Variants in MMP15 observed in about 807,000 individuals in gnomAD.
The protein encoded by MMP15 is matrix metallopeptidase 15.
In MMP15, 36 loss-of-function variants were observed where a neutral mutation model predicts 65.0. The ratio of observed to expected loss-of-function variants is 0.55; its 90% confidence interval spans 0.42 to 0.73. The LOEUF (loss-of-function observed/expected upper bound fraction) is 0.73, where lower values mean the gene tolerates loss of function less well. MMP15 is among the 30% of genes least tolerant of loss of function. The pLI, the probability that MMP15 is intolerant of heterozygous loss-of-function variation, is 0.00. For missense variants in MMP15, 870 were observed against 987.8 expected, an observed-to-expected ratio of 0.88 and a Z score of 1.60; for synonymous variants, 428 against 410.2, an observed-to-expected ratio of 1.04 and a Z score of -0.52.
chr16:58,031,816 T>C (rs1567428475), intron 1 of MMP15, among the ~76,000 whole-genome samples: 1 of 148,076 alleles, frequency 6.8e-6, no homozygotes, highest in African/African-American at 2.5e-5. Flanking sequence ...CTAAAGGTAG[T>C]GAGCAATCCT....
intron 6 of MMP15, 117 bp from the exon 7 acceptor site, chr16:58,042,114 A>T (rs1394631350): frequency 7.5e-6 from 10 of 1,326,484 alleles, no homozygotes; most frequent in Non-Finnish European, 1.0e-5. Flanking sequence ...CTGCCTCAGT[A>T]TCTCAGTGTC....
In MMP15 at chr16:58,026,314, G is replaced by A; in HGVS notation, c.-37G>A. ...TTTCCAAGGCGCGTGCGAGGATCCGGCGTGCAGTGTTCCGAGCTGGGCTGG... is the reference window on the plus strand; with the variant it reads ...TTTCCAAGGCGCGTGCGAGGATCCGACGTGCAGTGTTCCGAGCTGGGCTGG... On this transcript the variant is annotated 5_prime_UTR_variant, in exon 1 of 10. Transcript: ENST00000219271. 1 of 1,290,630 alleles carries A rather than the reference G, an allele frequency of 7.7e-7. No individual in the cohort carries two copies. Among genetic ancestry groups the A allele is most frequent in the Non-Finnish European group, 9.8e-7 (1 of 1,019,898 alleles). 79.9% of individuals were successfully genotyped at this position (1,290,630 alleles called of 1,614,324 possible). A position where few individuals can be genotyped will look rare whatever the true frequency, so the allele number is the denominator to read the frequency against.
At chr16:58,027,140 C>T (rs1206317302) in intron 1 of MMP15, among the ~76,000 whole-genome samples, 8 of 152,220 alleles carry the variant, frequency 5.3e-5, no homozygotes, top group African/African-American at 1.9e-4. Context: ...CACGCCCGGG[C>T]GGGGTCCTAA....
Position 58,040,136 on chromosome 16 carries a change from T to C in MMP15, c.702T>C (p.His234=). The part of the protein sequence containing the change: ...FPGPGLGGDT[H]FDADEPWTFS... ...GCCCCGGCCTAGGCGGGGACACCCA[T>C]TTTGACGCAGATGAGCCCTGGACCT... is the stretch of plus-strand genomic sequence containing the variant. Residue 234 remains histidine (H), a synonymous_variant, in exon 4 of 10, where the codon CAT becomes CAC. Transcript: ENST00000219271. The C allele has an allele frequency of 6.2e-7, 1 of 1,613,348 alleles. No individual in the cohort carries two copies. Among genetic ancestry groups the C allele is most frequent in the Non-Finnish European group, 8.5e-7 (1 of 1,180,020 alleles).
In MMP15 at chr16:58,045,566, C is replaced by T. The variant is rs1214130838; in HGVS notation, c.*120C>T. Reference sequence around the variant, plus strand: ...CAGCCCTCACACACCCTGTCTGCCCCGCCCTCATTATTTATGTCCAGGTGT... The same window carrying T: ...CAGCCCTCACACACCCTGTCTGCCCTGCCCTCATTATTTATGTCCAGGTGT... On this transcript the variant is annotated 3_prime_UTR_variant, in exon 10 of 10. Coordinates refer to ENST00000219271, the MANE Select transcript of MMP15 (RefSeq NM_002428.4). 4 of 769,972 alleles carry T rather than the reference C, an allele frequency of 5.2e-6. No individual in the cohort carries two copies. Among genetic ancestry groups the T allele is most frequent in the East Asian group, 2.8e-5 (1 of 36,214 alleles). The allele number at this position is 769,972 out of a possible 1,614,324, so 47.7% of individuals were successfully genotyped here. A position where few individuals can be genotyped will look rare whatever the true frequency, so the allele number is the denominator to read the frequency against.
At position 58,041,917 on chromosome 16, in the gene MMP15, G is replaced by T. The variant is rs761206733; in HGVS notation, c.1164+47G>T. 4 of 1,529,032 alleles carry T rather than the reference G, an allele frequency of 2.6e-6. No homozygotes were observed. The East Asian group carries it at 9.1e-5, about 35-fold the overall frequency. 94.7% of individuals were successfully genotyped at this position (1,529,032 alleles called of 1,614,324 possible). ...CTGGCCCTGAGCCTTTTCCCTGGCT[G>T]CTCTGGGCCCCCTGTCCCACCCTCA... On this transcript the variant is annotated intron_variant, in intron 6 of 9. Coordinates refer to ENST00000219271, the MANE Select transcript of MMP15 (RefSeq NM_002428.4).
At chr16:58,032,568 C>A (rs547802425) in intron 1 of MMP15, among the ~76,000 whole-genome samples, 11 of 152,344 alleles carry the variant, frequency 7.2e-5, no homozygotes, top group African/African-American at 2.6e-4. Flanking sequence ...ACTCTTGGCT[C>A]AGGTCCGCTG....
intron 9 of MMP15, among the ~76,000 whole-genome samples, chr16:58,044,319 C>G (rs1424342573): frequency 6.6e-6 from 1 of 152,180 alleles, no homozygotes; most frequent in Admixed American, 6.5e-5. Flanking sequence ...TGGTGACTTG[C>G]ACCTATAGTC....
At position 58,037,630 on chromosome 16, in the gene MMP15, C is replaced by T; in HGVS notation, c.311+10C>T. 6.2e-7 allele frequency: 1 copy of T among 1,614,078 alleles called. No homozygotes were observed. Among genetic ancestry groups the T allele is most frequent in the Non-Finnish European group, 8.5e-7 (1 of 1,179,988 alleles). ...ACGAAGAGACCAAGGAGTGAGTTCCCCCCACCATCCACACCCCACAGGCAC... is the reference window on the plus strand; with the variant it reads ...ACGAAGAGACCAAGGAGTGAGTTCCTCCCACCATCCACACCCCACAGGCAC... On this transcript the variant is annotated intron_variant, in intron 2 of 9. Transcript: ENST00000219271.
At chr16:58,026,873 C>T (rs934471429) in intron 1 of MMP15, among the ~76,000 whole-genome samples, 1 of 152,228 alleles carries the variant, frequency 6.6e-6, no homozygotes, top group African/African-American at 2.4e-5. Context: ...GCCGATTCCT[C>T]GAGAGCCCGG....
chr16:58,040,457 C>CTCAA, intron 4 of MMP15, 80 bp from the exon 5 acceptor site: 1 of 1,517,100 alleles, frequency 6.6e-7, no homozygotes, highest in Non-Finnish European at 8.9e-7. Flanking sequence ...CTCTGGCAGC[C>CTCAA]TCAGCCTGGA....
intron 1 of MMP15, among the ~76,000 whole-genome samples, chr16:58,037,145 G>A (rs1959347455): frequency 1.3e-5 from 2 of 152,210 alleles, no homozygotes; most frequent in African/African-American, 2.4e-5. Flanking sequence ...CGGCTGGGGT[G>A]GATGGTGGTG....
rs959943832 is a variant in MMP15 at position 58,026,404 on chromosome 16, C to T, written c.54C>T (p.Leu18=). 9.1e-6 allele frequency: 13 copies of T among 1,426,100 alleles called. No homozygotes were observed. In the Admixed American group the frequency reaches 1.2e-4, roughly 13 times the overall value. 88.3% of individuals were successfully genotyped at this position (1,426,100 alleles called of 1,614,324 possible). Residue 18 remains leucine (L), a synonymous_variant, in exon 1 of 10, where the codon CTC becomes CTT. Coordinates refer to ENST00000219271, the MANE Select transcript of MMP15 (RefSeq NM_002428.4). ...PGRPGWTGSL[L]GDREEAARPR... The stretch of plus-strand genomic sequence containing the variant: ...GGCCGGGCTGGACGGGCAGCCTCCT[C>T]GGCGACCGGGAGGAGGCGGCGCGGC...
chr16:58,041,794 A>G lies in MMP15; in HGVS notation c.1088A>G (p.Asp363Gly). ...CAGCCCCGAGCCACAGAGCGGCCCG[A>G]CCAGTATGGCCCCAACATCTGCGAC... Reference protein sequence around the residue: ...PVQPRATERPDQYGPNICDGD... With the variant: ...PVQPRATERPGQYGPNICDGD... The change falls in exon 6 of 10, where the codon GAC becomes GGC. Residue 363 changes from aspartate to glycine, a missense_variant. Transcript: ENST00000219271. 1 of 1,612,376 alleles carries G rather than the reference A, an allele frequency of 6.2e-7. No homozygotes were observed. Among genetic ancestry groups the G allele is most frequent in the Non-Finnish European group, 8.5e-7 (1 of 1,179,280 alleles).
At position 58,043,572 on chromosome 16, in the gene MMP15, T is replaced by C. The variant is rs776870862; in HGVS notation, c.1515T>C (p.Ser505=). Residue 505 remains serine (S), a synonymous_variant, in exon 9 of 10, where the codon AGT becomes AGC. Transcript: ENST00000219271. The stretch of plus-strand genomic sequence containing the variant: ...ACCCTGGGTACCCCAAGCCCATCAG[T>C]GTCTGGCAGGGGATCCCTGCCTCCC... The part of the protein sequence containing the change: ...RGDPGYPKPI[S]VWQGIPASPK... 2 of 1,613,806 alleles carry C rather than the reference T, an allele frequency of 1.2e-6. No individual in the cohort carries two copies. Among genetic ancestry groups the C allele is most frequent in the Non-Finnish European group, 1.7e-6 (2 of 1,179,862 alleles).
At chr16:58,036,962 C>T (rs1445075199) in intron 1 of MMP15, among the ~76,000 whole-genome samples, 1 of 152,166 alleles carries the variant, frequency 6.6e-6, no homozygotes. Context: ...GGAGGGGGTG[C>T]AGGGTATAGC....
At chr16:58,042,114 A>G in intron 6 of MMP15, 117 bp from the exon 7 acceptor site, 1 of 1,326,604 alleles carries the variant, frequency 7.5e-7, no homozygotes, top group Non-Finnish European at 1.0e-6. Context: ...CTGCCTCAGT[A>G]TCTCAGTGTC....
At chr16:58,036,930 T>C (rs984083565) in intron 1 of MMP15, among the ~76,000 whole-genome samples, 7 of 152,092 alleles carry the variant, frequency 4.6e-5, no homozygotes, top group Admixed American at 2.0e-4. Flanking sequence ...GTGCATCAGA[T>C]GGGTGATAAG....
chr16:58,041,126 C>A (rs961900178), intron 5 of MMP15, among the ~76,000 whole-genome samples: 8 of 152,198 alleles, frequency 5.3e-5, no homozygotes, highest in Non-Finnish European at 8.8e-5. Context: ...GCCACCCCCC[C>A]ACCCAGGGCC....
Sources: gnomAD v4.1 joint callset for allele counts (sites outside exome capture counted in the v4.1 genomes callset) on GRCh38, gnomAD v4.1.1 for gene constraint, MANE v1.5 for transcripts, NCBI Gene and HGNC (gene_info 2026-07-23, HGNC 2026-07-21) for gene names.